NPAS1: variants seen among roughly 807,000 people sequenced by gnomAD.
NPAS1 encodes the protein neuronal PAS domain protein 1.
Under a neutral mutation model 49.2 loss-of-function variants are expected in NPAS1, and 29 were observed. The observed-to-expected ratio is 0.59, with a 90% CI of 0.44 to 0.80. The LOEUF is 0.80. Ranked by LOEUF, NPAS1 falls within the 30% of genes least tolerant of loss-of-function variation. The pLI is 0.00. For missense variants in NPAS1, 825 were observed against 835.5 expected (o/e 0.99, Z 0.15); for synonymous variants, 408 against 380.4 (o/e 1.07, Z -0.84).
intron 5 of NPAS1, among the ~76,000 whole-genome samples, chr19:47,034,030 C>CGCG (rs2056927957): frequency 1.8e-5 from 2 of 112,252 alleles, no homozygotes; most frequent in Non-Finnish European, 3.6e-5. Context: ...AAGGGCCGGG[C>CGCG]GCGGTGGCTC....
chr19:47,038,515 CAAAAA>C (rs397859991), intron 6 of NPAS1, among the ~76,000 whole-genome samples: 22 of 60,306 alleles, frequency 3.6e-4, no homozygotes, highest in Non-Finnish European at 5.2e-4. Context: ...GACTCCAGCT[CAAAAA>C]AAAAAAAAAA....
In NPAS1 at chr19:47,020,900, C is replaced by A. The variant is rs1195763441; in HGVS notation, c.-42-106C>A. The A allele has an allele frequency of 3.2e-5, 13 of 402,556 alleles. 1 individual carries two copies. Among genetic ancestry groups the A allele is most frequent in the East Asian group, 8.2e-5 (2 of 24,454 alleles). The allele number at this position is 402,556 out of a possible 1,614,324, so 24.9% of individuals were successfully genotyped here. On this transcript the variant is annotated intron_variant, in intron 1 of 11. Coordinates refer to ENST00000602212, the MANE Select transcript of NPAS1 (RefSeq NM_002517.4). ...AAACTGAGGCATCATCCAGGCCCCC[C>A]CCCCCCCAGCTCCTTGCTGGGACCC...
intron 6 of NPAS1, among the ~76,000 whole-genome samples, chr19:47,037,715 A>G (rs1043666086): frequency 1.2e-4 from 18 of 152,210 alleles, no homozygotes; most frequent in Non-Finnish European, 1.5e-5. Flanking sequence ...CATCTGAGAC[A>G]TCAGCTGTGC....
At chr19:47,041,781 C>T (rs2057023623) in intron 10 of NPAS1, among the ~76,000 whole-genome samples, 1 of 151,912 alleles carries the variant, frequency 6.6e-6, no homozygotes, top group Non-Finnish European at 1.5e-5. Flanking sequence ...TGAAGACCAG[C>T]CTGGGCAACC....
intron 5 of NPAS1, 81 bp downstream of exon 5, chr19:47,032,813 G>C: frequency 3.9e-6 from 4 of 1,035,024 alleles, no homozygotes; most frequent in Non-Finnish European, 6.0e-6. Flanking sequence ...CTCTCTCCTG[G>C]TCTCACCATA....
At chr19:47,023,788 T>C (rs1042137145) in intron 3 of NPAS1, among the ~76,000 whole-genome samples, 14 of 151,774 alleles carry the variant, frequency 9.2e-5, no homozygotes, top group African/African-American at 3.4e-4. Context: ...CCCTGGGCAA[T>C]ATAACAAAAC....
intron 8 of NPAS1, 40 bp from the exon 9 acceptor site, chr19:47,040,404 G>C: frequency 7.2e-7 from 1 of 1,397,614 alleles, no homozygotes; most frequent in Non-Finnish European, 9.9e-7. Context: ...CCCCAACCCC[G>C]TGGTCTTGGA....
At position 47,045,426 on chromosome 19, in the gene NPAS1, C is replaced by A. The variant is rs536883038; in HGVS notation, c.1548C>A (p.Pro516=). 28 of 1,606,262 alleles carry A rather than the reference C, an allele frequency of 1.7e-5. No individual in the cohort carries two copies. The East Asian group carries it at 5.6e-4, about 32-fold the overall frequency. Residue 516 remains proline (P), a synonymous_variant, in exon 12 of 12, where the codon CCC becomes CCA. Coordinates refer to ENST00000602212, the MANE Select transcript of NPAS1 (RefSeq NM_002517.4). ...TGCGGCCATGGGGCCTGGCGCCTCCCGGGGACCCCCCGCCCACCCTCCTGC... is the reference window on the plus strand; with the variant it reads ...TGCGGCCATGGGGCCTGGCGCCTCCAGGGGACCCCCCGCCCACCCTCCTGC... The part of the protein sequence containing the change: ...DPVRPWGLAP[P]GDPPPTLLHA...
At chr19:47,035,003 G>GA (rs2056937834) in intron 5 of NPAS1, among the ~76,000 whole-genome samples, 1 of 151,296 alleles carries the variant, frequency 6.6e-6, no homozygotes, top group African/African-American at 2.5e-5. Context: ...CCAACATGGA[G>GA]AAACCCCGTC....
rs928037501 is a variant in NPAS1 at position 47,039,022 on chromosome 19, A to C, written c.689-14A>C. ...CTTCAGGACCCCATAACCTTCCTTC[A>C]CTCTCTGTCCCAGAGGCCAGCCTCA... is the stretch of plus-strand genomic sequence containing the variant. On this transcript the variant is annotated splice_polypyrimidine_tract_variant and intron_variant, in intron 6 of 11. Coordinates refer to ENST00000602212, the MANE Select transcript of NPAS1 (RefSeq NM_002517.4). 2 of 1,611,324 alleles carry C rather than the reference A, an allele frequency of 1.2e-6. No homozygotes were observed. The highest frequency in any genetic ancestry group is 1.7e-6 in the Non-Finnish European group (2 of 1,178,016).
rs532811476 is a variant in NPAS1 at position 47,033,975 on chromosome 19, TAAAAAAAAAAAAAAAAAAAAAAAAAAA to T, written c.522+1263_522+1289del. On this transcript the variant is annotated intron_variant, in intron 5 of 11. Transcript: ENST00000602212. The stretch of plus-strand genomic sequence containing the variant: ...TGGACAACAAAGTGAGGCTATGCCT[TAAAAAAAAAAAAAAAAAAAAAAAAAAA>T]AAAAAAAAAAAAAAAAAAAGGGCCG... 3.8e-4 allele frequency among the ~76,000 whole-genome samples: 38 copies of T among 100,852 alleles called. 1 individual carries two copies. In the East Asian group the frequency reaches 6.7e-3, roughly 18 times the overall value. The allele number at this position is 100,852 out of a possible 152,430, so 66.2% of individuals were successfully genotyped here.
At chr19:47,023,461 G>C (rs956339780) in intron 3 of NPAS1, among the ~76,000 whole-genome samples, 2 of 152,110 alleles carry the variant, frequency 1.3e-5, no homozygotes, top group African/African-American at 4.8e-5. Flanking sequence ...GGGGGGCTTG[G>C]TACTGCGTGG....
chr19:47,041,339 G>A (rs1281299765), intron 10 of NPAS1, among the ~76,000 whole-genome samples: 1 of 152,076 alleles, frequency 6.6e-6, no homozygotes, highest in Non-Finnish European at 1.5e-5. Flanking sequence ...AGGGGGAGGG[G>A]GACAGTATCT....
At chr19:47,034,926 A>G (rs1162888172) in intron 5 of NPAS1, among the ~76,000 whole-genome samples, 1 of 151,682 alleles carries the variant, frequency 6.6e-6, no homozygotes, top group Non-Finnish European at 1.5e-5. Context: ...TCATGCCCGT[A>G]AACCCAGCAC....
chr19:47,032,769 AC>A, intron 5 of NPAS1, 37 bp downstream of exon 5: 1 of 1,479,844 alleles, frequency 6.8e-7, no homozygotes, highest in Non-Finnish European at 9.4e-7. Flanking sequence ...TGGCTCAGCC[AC>A]CATCTCCCTT....
Position 47,025,396 on chromosome 19 carries a change from A to G in NPAS1, c.358+3549A>G, listed in dbSNP as rs527759152. 3.8e-5 allele frequency among the ~76,000 whole-genome samples: 5 copies of G among 133,186 alleles called. 1 individual carries two copies. Among genetic ancestry groups the G allele is most frequent in the Admixed American group, 1.8e-4 (2 of 11,422 alleles). The allele number at this position is 133,186 out of a possible 152,430, so 87.4% of individuals were successfully genotyped here. A position where few individuals can be genotyped will look rare whatever the true frequency, so the allele number is the denominator to read the frequency against. ...TGGGTTCAAGCGATTCTCCTGCTTCAGCCTCCCTAATAGCTGGGATTACAG... is the reference window on the plus strand; with the variant it reads ...TGGGTTCAAGCGATTCTCCTGCTTCGGCCTCCCTAATAGCTGGGATTACAG... On this transcript the variant is annotated intron_variant, in intron 3 of 11. Coordinates refer to ENST00000602212, the MANE Select transcript of NPAS1 (RefSeq NM_002517.4).
chr19:47,045,205 A>G lies in NPAS1; in HGVS notation c.1327A>G (p.Thr443Ala), dbSNP rs2057063207. The change falls in exon 12 of 12, where the codon ACG becomes GCG. Residue 443 changes from threonine to alanine, a missense_variant. Coordinates refer to ENST00000602212, the MANE Select transcript of NPAS1 (RefSeq NM_002517.4). ...TCCTCTTCCAGAGCCGGAGCCTCCGACGGAAGGGAAGCAGGCTGCCCCAGC... is the reference window on the plus strand; with the variant it reads ...TCCTCTTCCAGAGCCGGAGCCTCCGGCGGAAGGGAAGCAGGCTGCCCCAGC... Reference protein sequence around the residue: ...GPEPTEPEPPTEGKQAAPAEN... With the variant: ...GPEPTEPEPPAEGKQAAPAEN... The G allele has an allele frequency of 7.4e-6, 12 of 1,613,558 alleles. No individual in the cohort carries two copies. In the East Asian group the frequency reaches 2.7e-4, roughly 36 times the overall value.
At chr19:47,044,885 C>T (rs750963640) in intron 11 of NPAS1, among the ~76,000 whole-genome samples, 2 of 152,132 alleles carry the variant, frequency 1.3e-5, no homozygotes, top group Non-Finnish European at 2.9e-5. Context: ...GAAAAATTAG[C>T]TGGGTGTGGT....
At chr19:47,024,060 A>G (rs1415741301) in intron 3 of NPAS1, among the ~76,000 whole-genome samples, 1 of 151,514 alleles carries the variant, frequency 6.6e-6, no homozygotes, top group African/African-American at 2.4e-5. Context: ...AGCCGAGATC[A>G]CACCACTGCA....
Sources: gnomAD v4.1 joint callset for allele counts (sites outside exome capture counted in the v4.1 genomes callset) on GRCh38, gnomAD v4.1.1 for gene constraint, MANE v1.5 for transcripts, NCBI Gene and HGNC (gene_info 2026-07-23, HGNC 2026-07-21) for gene names.